Variants in NAV3 observed in about 807,000 individuals in gnomAD.
NAV3 encodes neuron navigator 3.
A neutral mutation model predicts 244.7 loss-of-function variants in NAV3; 87 were observed. The observed-to-expected ratio is 0.36, with a 90% CI of 0.30 to 0.42. The LOEUF is 0.42. NAV3 is among the 20% of genes least tolerant of loss of function. NAV3 has a pLI of 1.00. For synonymous variants in NAV3, 1,126 were observed against 1,042.2 expected, an observed-to-expected ratio of 1.08 and a Z score of -1.55; for missense variants, 2,663 against 2,893.3, an observed-to-expected ratio of 0.92 and a Z score of 1.83.
At chr12:77,984,497 C>G (rs1870129344) in intron 5 of NAV3, among the ~76,000 whole-genome samples, 4 of 143,598 alleles carry the variant, frequency 2.8e-5, no homozygotes, top group Admixed American at 2.8e-4. Flanking sequence ...TTTTTTTTAC[C>G]TGTTATAGCA....
chr12:77,652,529 C>A (rs1872873629), intron 2 of NAV3, among the ~76,000 whole-genome samples: 1 of 151,940 alleles, frequency 6.6e-6, no homozygotes, highest in Non-Finnish European at 1.5e-5. Context: ...CAATCAAAAG[C>A]CAAACTAGAA....
chr12:77,893,624 G>T (rs1424412865), intron 1 of NAV3, among the ~76,000 whole-genome samples: 1 of 151,718 alleles, frequency 6.6e-6, no homozygotes, highest in Admixed American at 6.6e-5. Context: ...GATTGTAATT[G>T]TACGCCAGCT....
chr12:77,614,074 CTTT>C (rs71440485), intron 2 of NAV3, among the ~76,000 whole-genome samples: 32,439 of 94,422 alleles, frequency 0.34, 5,231 homozygotes, highest in Non-Finnish European at 0.37. Context: ...TTCTTTCTCT[CTTT>C]TTTTTTTTTT....
chr12:77,957,385 A>G (rs963055694), intron 3 of NAV3, among the ~76,000 whole-genome samples: 1 of 152,192 alleles, frequency 6.6e-6, no homozygotes, highest in African/African-American at 2.4e-5. Flanking sequence ...AACTATAAGG[A>G]GGTTATTAAT....
In NAV3 at chr12:77,767,677, G is replaced by A. The variant is rs867529042; in HGVS notation, c.73-172642G>A. 5.9e-5 allele frequency among the ~76,000 whole-genome samples: 9 copies of A among 152,334 alleles called. No individual in the cohort carries two copies. The Middle Eastern group carries it at 0.01, about 173-fold the overall frequency. On this transcript the variant is annotated intron_variant, in intron 2 of 8. Coordinates refer to the NAV3 transcript ENST00000550042. ...GCATGACAAGTGGCTTCAGCTGTGG[G>A]CACCTGCCTCTAGAGGAGGGGAACA...
intron 2 of NAV3, among the ~76,000 whole-genome samples, chr12:77,633,698 T>C (rs1165391675): frequency 6.6e-6 from 1 of 152,182 alleles, no homozygotes. Flanking sequence ...TGAGTTATTT[T>C]TAAAGTATTA....
chr12:77,750,884 A>C (rs1156271316), intron 2 of NAV3, among the ~76,000 whole-genome samples: 1 of 152,248 alleles, frequency 6.6e-6, no homozygotes, highest in Admixed American at 6.5e-5. Flanking sequence ...TTTAGGAACT[A>C]ACAGAATGGC....
intron 2 of NAV3, among the ~76,000 whole-genome samples, chr12:77,661,633 C>G (rs949353752): frequency 6.6e-6 from 1 of 152,012 alleles, no homozygotes; most frequent in Non-Finnish European, 1.5e-5. Context: ...ATGCCAGGCC[C>G]CCCAAATTTT....
chr12:77,771,956 G>T (rs1034360637), intron 2 of NAV3, among the ~76,000 whole-genome samples: 5 of 151,902 alleles, frequency 3.3e-5, no homozygotes, highest in Admixed American at 3.3e-4. Context: ...TTGGATTTAG[G>T]TTATTTCAAA....
Position 78,185,688 on chromosome 12 carries a change from G to T in NAV3, c.5780G>T (p.Gly1927Val). 6.2e-7 allele frequency: 1 copy of T among 1,607,504 alleles called. No homozygotes were observed. The highest frequency in any genetic ancestry group is 8.5e-7 in the Non-Finnish European group (1 of 1,176,782). The change falls in exon 31 of 40, where the codon GGT becomes GTT. Residue 1927 changes from glycine to valine, a missense_variant. Gly to Val is a moderately radical substitution (Grantham distance 109). Around this residue, in one of 6 missense-constraint regions of NAV3, gnomAD observed 543 missense variants for 672.4 expected, o/e 0.81. Coordinates refer to ENST00000397909, the MANE Select transcript of NAV3 (RefSeq NM_001024383.2). ...ATAGTCTCCATAAGCAAGGGCTATG[G>T]TCGAGCAAAGGTACTTCTTTAATCT... The part of the protein sequence containing the change: ...KIIVSISKGY[G>V]RAKDQKSQAY...
At position 77,657,343 on chromosome 12, in the gene NAV3, G is replaced by A. The variant is rs1360513328; in HGVS notation, c.72+85077G>A. ...ACTACAAACACCTCTACACAAATAA[G>A]CTAGAAAATCTAGAAGAAATGGATA... On this transcript the variant is annotated intron_variant, in intron 2 of 8. Coordinates refer to the NAV3 transcript ENST00000550042. 1.6e-4 allele frequency among the ~76,000 whole-genome samples: 24 copies of A among 152,172 alleles called. No individual in the cohort carries two copies. In the East Asian group the frequency reaches 3.7e-3, roughly 23 times the overall value.
intron 2 of NAV3, among the ~76,000 whole-genome samples, chr12:77,751,183 A>T (rs1312965451): frequency 2.6e-5 from 4 of 152,236 alleles, no homozygotes; most frequent in Non-Finnish European, 5.9e-5. Context: ...TACGCTGGAT[A>T]ATAAAAGGCA....
chr12:77,990,823 T>C (rs936085701), intron 5 of NAV3, among the ~76,000 whole-genome samples: 2 of 152,132 alleles, frequency 1.3e-5, no homozygotes, highest in African/African-American at 2.4e-5. Flanking sequence ...TTTCTTGCAA[T>C]TTATTTGTTA....
intron 1 of NAV3, among the ~76,000 whole-genome samples, chr12:77,852,556 T>G (rs540408641): frequency 9.2e-5 from 14 of 151,748 alleles, no homozygotes; most frequent in East Asian, 5.8e-4. Flanking sequence ...AATAAATAAA[T>G]AAATAAATAA....
chr12:77,897,376 G>A (rs1431887727), intron 1 of NAV3, among the ~76,000 whole-genome samples: 1 of 152,206 alleles, frequency 6.6e-6, no homozygotes, highest in African/African-American at 2.4e-5. Context: ...CTCCTTTCAT[G>A]CGATAGCTTT....
intron 18 of NAV3, among the ~76,000 whole-genome samples, chr12:78,135,021 A>C (rs1013447577): frequency 2.6e-5 from 4 of 151,972 alleles, no homozygotes; most frequent in Non-Finnish European, 4.4e-5. Flanking sequence ...TTATTCTTCC[A>C]TTTTTTAGTC....
chr12:78,172,749 G>A (rs1486910985), intron 24 of NAV3, among the ~76,000 whole-genome samples: 1 of 151,470 alleles, frequency 6.6e-6, no homozygotes, highest in Non-Finnish European at 1.5e-5. Context: ...AAAATACTAA[G>A]CAAACATGTA....
chr12:77,989,476 A>G lies in NAV3; in HGVS notation c.672-5327A>G, dbSNP rs1871100507. On this transcript the variant is annotated intron_variant, in intron 5 of 39. Coordinates refer to ENST00000397909, the MANE Select transcript of NAV3 (RefSeq NM_001024383.2). ...AACCAACCAACCAACCAACCAAACA[A>G]ACAAACAAAAATAAATTGGTCTTCC... Among the ~76,000 whole-genome samples the G allele has an allele frequency of 2.0e-5, 3 of 152,210 alleles. No homozygotes were observed. In the South Asian group the frequency reaches 6.2e-4, roughly 31 times the overall value.
chr12:78,098,798 A>G (rs1335066426), intron 12 of NAV3, among the ~76,000 whole-genome samples: 1 of 151,840 alleles, frequency 6.6e-6, no homozygotes, highest in Non-Finnish European at 1.5e-5. Context: ...GACATTGACA[A>G]TGTCTGGAAA....
Sources: gnomAD v4.1 joint callset for allele counts (sites outside exome capture counted in the v4.1 genomes callset) on GRCh38, gnomAD v4.1.1 for gene constraint, gnomAD v4.1.1 regional missense constraint, MANE v1.5 for transcripts, NCBI Gene and HGNC (gene_info 2026-07-23, HGNC 2026-07-21) for gene names.